Variants in THUMPD2 observed in about 807,000 individuals in gnomAD.
THUMPD2 encodes the protein U6 snRNA (guanine-N(2))-methyltransferase THUMPD2.
A neutral mutation model predicts 49.4 loss-of-function variants in THUMPD2; 56 were observed. The observed-to-expected ratio is 1.13, with a 90% CI of 0.91 to 1.41. The LOEUF is 1.41. Ranked by LOEUF, THUMPD2 falls within the 40% of genes most tolerant of loss-of-function variation. THUMPD2 has a pLI of 0.00. For missense variants in THUMPD2, 709 were observed against 594.5 expected (o/e 1.19, Z -2.00); for synonymous variants, 237 against 205.2 (o/e 1.15, Z -1.32).
At chr2:39,768,603 G>C (rs1263388078) in intron 3 of THUMPD2, 102 bp from the exon 4 acceptor site, 32 of 929,768 alleles carry the variant, frequency 3.4e-5, no homozygotes, top group Non-Finnish European at 5.0e-5. Context: ...ATCAAGTCAG[G>C]CTATCTGATG....
intron 8 of THUMPD2, among the ~76,000 whole-genome samples, chr2:39,746,357 T>A (rs948716958): frequency 6.6e-6 from 1 of 152,188 alleles, no homozygotes; most frequent in African/African-American, 2.4e-5. Context: ...ATCTGGAAAC[T>A]ACAACTTAGT....
chr2:39,778,934 G>T (rs1558553635), intron 1 of THUMPD2, among the ~76,000 whole-genome samples, 180 bp downstream of exon 1: 1 of 152,238 alleles, frequency 6.6e-6, no homozygotes, highest in African/African-American at 2.4e-5. Context: ...AGGAAAGAAA[G>T]GAATGGTGGC....
chr2:39,741,003 T>C (rs369643926), intron 9 of THUMPD2, among the ~76,000 whole-genome samples: 4 of 152,184 alleles, frequency 2.6e-5, no homozygotes, highest in East Asian at 1.9e-4. Flanking sequence ...TGAGCTACTG[T>C]GCCCAGAAAC....
chr2:39,766,282 A>T (rs1677506302), intron 4 of THUMPD2, 173 bp from the exon 5 acceptor site: 2 of 456,604 alleles, frequency 4.4e-6, no homozygotes, highest in Non-Finnish European at 7.7e-6. Context: ...TCTTAAGCAG[A>T]AGGAAACTAA....
intron 7 of THUMPD2, 87 bp downstream of exon 7, chr2:39,755,802 C>T: frequency 9.3e-7 from 1 of 1,071,508 alleles, no homozygotes; most frequent in Non-Finnish European, 1.4e-6. Flanking sequence ...CCCAAATAGA[C>T]ATTCTACTTG....
intron 9 of THUMPD2, 105 bp downstream of exon 9, chr2:39,744,265 G>T (rs1030682889): frequency 3.5e-6 from 2 of 573,052 alleles, no homozygotes; most frequent in Non-Finnish European, 5.9e-6. Flanking sequence ...CAAAAACTCT[G>T]GGAAATTGCT....
chr2:39,776,039 G>C (rs930068630), intron 1 of THUMPD2, among the ~76,000 whole-genome samples: 8 of 152,106 alleles, frequency 5.3e-5, no homozygotes, highest in Non-Finnish European at 1.0e-4. Flanking sequence ...ACTGACATTA[G>C]AGATATCTCT....
At chr2:39,763,212 A>G (rs537296636) in intron 5 of THUMPD2, among the ~76,000 whole-genome samples, 1 of 151,954 alleles carries the variant, frequency 6.6e-6, no homozygotes, top group Admixed American at 6.6e-5. Flanking sequence ...CAAGACAAAG[A>G]CGTCCTAATC....
chr2:39,759,154 A>G (rs761991839), intron 6 of THUMPD2, among the ~76,000 whole-genome samples: 1 of 152,112 alleles, frequency 6.6e-6, no homozygotes, highest in Non-Finnish European at 1.5e-5. Flanking sequence ...TGTTCATAAT[A>G]GGAATTTCAG....
intron 9 of THUMPD2, among the ~76,000 whole-genome samples, chr2:39,739,714 A>T (rs777226660): frequency 1.8e-4 from 27 of 152,194 alleles, no homozygotes; most frequent in Admixed American, 6.5e-5. Flanking sequence ...GCAGATGAGT[A>T]GGCAGAAGAT....
chr2:39,748,388 A>C (rs953955566), intron 8 of THUMPD2, among the ~76,000 whole-genome samples: 1 of 152,174 alleles, frequency 6.6e-6, no homozygotes, highest in African/African-American at 2.4e-5. Flanking sequence ...AATAGTTTGC[A>C]GTTCATCTGT....
intron 5 of THUMPD2, among the ~76,000 whole-genome samples, chr2:39,761,878 T>G (rs567342780): frequency 6.6e-6 from 1 of 152,268 alleles, no homozygotes; most frequent in African/African-American, 2.4e-5. Context: ...GGTTTGTTTT[T>G]TGGTTATTTG....
In THUMPD2 at chr2:39,757,836, T is replaced by A. The variant is rs1280658889; in HGVS notation, c.892-1876A>T. On this transcript the variant is annotated intron_variant, in intron 6 of 9. Transcript: ENST00000505747. ...AATTTCATTTTTAGTGGCACTGGCC[T>A]TACCCAAGGCTGAGCTGTCTGTGTA... 2.6e-5 allele frequency among the ~76,000 whole-genome samples: 4 copies of A among 152,224 alleles called. No individual in the cohort carries two copies. In the East Asian group the frequency reaches 7.7e-4, roughly 29 times the overall value.
At chr2:39,775,469 A>G (rs1204745967) in intron 1 of THUMPD2, among the ~76,000 whole-genome samples, 1 of 152,132 alleles carries the variant, frequency 6.6e-6, no homozygotes, top group Non-Finnish European at 1.5e-5. Context: ...GTTTCACTTA[A>G]TTTGTAAAAA....
At chr2:39,764,233 T>C (rs1165320647) in intron 5 of THUMPD2, among the ~76,000 whole-genome samples, 1 of 152,250 alleles carries the variant, frequency 6.6e-6, no homozygotes, top group Non-Finnish European at 1.5e-5. Flanking sequence ...ATTTATTCAA[T>C]GCTTACTGTA....
At chr2:39,744,327 C>A in intron 9 of THUMPD2, 43 bp downstream of exon 9, 1 of 1,250,322 alleles carries the variant, frequency 8.0e-7, no homozygotes, top group South Asian at 1.5e-5. Context: ...CGGTTAAATG[C>A]CCAGTAGCTA....
At chr2:39,771,706 A>G (rs1678341379) in intron 1 of THUMPD2, 66 bp from the exon 2 acceptor site, 5 of 1,457,266 alleles carry the variant, frequency 3.4e-6, no homozygotes, top group Non-Finnish European at 3.7e-6. Flanking sequence ...TTTTTCCCTC[A>G]AGATATAGCA....
At chr2:39,753,218 T>G (rs1335828699) in intron 8 of THUMPD2, among the ~76,000 whole-genome samples, 1 of 152,180 alleles carries the variant, frequency 6.6e-6, no homozygotes, top group East Asian at 1.9e-4. Flanking sequence ...TGTTTTCAAG[T>G]TACCTCCTCC....
At chr2:39,776,899 T>C (rs1679185611) in intron 1 of THUMPD2, among the ~76,000 whole-genome samples, 1 of 152,210 alleles carries the variant, frequency 6.6e-6, no homozygotes. Context: ...CACCCAGAAA[T>C]ACTCATTTTC....
Sources: gnomAD v4.1 joint callset for allele counts (sites outside exome capture counted in the v4.1 genomes callset) on GRCh38, gnomAD v4.1.1 for gene constraint, MANE v1.5 for transcripts, NCBI Gene and HGNC (gene_info 2026-07-23, HGNC 2026-07-21) for gene names.